Variants in ZNF420 observed in about 807,000 individuals in gnomAD.
ZNF420 encodes the protein zinc finger protein 420.
Under a neutral mutation model 44.7 loss-of-function variants are expected in ZNF420, and 31 were observed. The observed-to-expected ratio is 0.69, with a 90% CI of 0.52 to 0.94. The LOEUF (loss-of-function observed/expected upper bound fraction) is 0.94. Among genes scored for constraint, ZNF420 ranks in the 40% least tolerant of loss-of-function variants. The pLI is 0.00. For synonymous variants in ZNF420, 245 were observed against 267.4 expected (o/e 0.92, Z 0.82); for missense variants, 681 against 827.9 (o/e 0.82, Z 2.18).
chr19:37,080,655 C>T (rs1051147625), intron 2 of ZNF420, among the ~76,000 whole-genome samples: 1 of 151,962 alleles, frequency 6.6e-6, no homozygotes, highest in Non-Finnish European at 1.5e-5. Flanking sequence ...AGGGAAAGAG[C>T]TCTATTGTGT....
At chr19:37,036,410 C>G (rs1967355521) in intron 1 of ZNF420, among the ~76,000 whole-genome samples, 1 of 152,112 alleles carries the variant, frequency 6.6e-6, no homozygotes, top group African/African-American at 2.4e-5. Flanking sequence ...CTTTGCCTTC[C>G]TCCCCAAATT....
chr19:37,051,479 T>C (rs1967638152), intron 1 of ZNF420, among the ~76,000 whole-genome samples: 1 of 152,250 alleles, frequency 6.6e-6, no homozygotes, highest in Non-Finnish European at 1.5e-5. Flanking sequence ...ATTTATCCGT[T>C]TCTTCTAGAT....
At chr19:37,020,907 A>G (rs1254346483) in intron 1 of ZNF420, among the ~76,000 whole-genome samples, 1 of 152,214 alleles carries the variant, frequency 6.6e-6, no homozygotes, top group Admixed American at 6.5e-5. Context: ...ATTGTTTAAT[A>G]GGTATAGAGT....
At chr19:37,032,507 GAAAAAA>G (rs35765701) in intron 1 of ZNF420, among the ~76,000 whole-genome samples, 1 of 124,136 alleles carries the variant, frequency 8.1e-6, no homozygotes, top group African/African-American at 3.0e-5. Flanking sequence ...CGGTCTTTAA[GAAAAAA>G]AAAAAAAAAA....
At chr19:37,053,788 G>C (rs181737028) in intron 1 of ZNF420, among the ~76,000 whole-genome samples, 1 of 152,192 alleles carries the variant, frequency 6.6e-6, no homozygotes, top group Admixed American at 6.5e-5. Flanking sequence ...GTGCCTCCCA[G>C]TTAGGCTTCT....
chr19:37,026,093 G>T (rs1967153022), intron 1 of ZNF420, among the ~76,000 whole-genome samples: 2 of 151,840 alleles, frequency 1.3e-5, no homozygotes, highest in Non-Finnish European at 2.9e-5. Flanking sequence ...GCGGGCGGAT[G>T]ACCTGAGGTC....
chr19:37,097,285 A>T (rs1191804173), intron 4 of ZNF420, among the ~76,000 whole-genome samples: 1 of 151,882 alleles, frequency 6.6e-6, no homozygotes, highest in African/African-American at 2.4e-5. Flanking sequence ...TAAATGGCTA[A>T]TACTGATATA....
At chr19:37,063,597 T>C (rs1967916991) in intron 1 of ZNF420, among the ~76,000 whole-genome samples, 1 of 134,798 alleles carries the variant, frequency 7.4e-6, no homozygotes, top group Non-Finnish European at 1.5e-5. Flanking sequence ...GTAATTTAAC[T>C]CTTTGTTCAG....
intron 4 of ZNF420, chr19:37,115,029 T>C (rs1406595782): frequency 6.4e-6 from 1 of 157,342 alleles, no homozygotes; most frequent in Non-Finnish European, 1.4e-5. Context: ...CTAAGAGGCA[T>C]ATTTACTTTT....
chr19:37,078,533 G>A lies in ZNF420; in HGVS notation c.-162G>A, dbSNP rs1430829838. 1.3e-5 allele frequency: 2 copies of A among 152,354 alleles called. No homozygotes were observed. Among genetic ancestry groups the A allele is most frequent in the Non-Finnish European group, 2.9e-5 (2 of 68,132 alleles). 9.4% of individuals were successfully genotyped at this position (152,354 alleles called of 1,614,324 possible). On this transcript the variant is annotated 5_prime_UTR_variant, in exon 1 of 5. Transcript: ENST00000337995. Reference sequence around the variant, plus strand: ...ACCCGAAATTGGGCTTGGAACCCGGGAGCCAGATCTTGGACCCTGAACTGC... The same window carrying A: ...ACCCGAAATTGGGCTTGGAACCCGGAAGCCAGATCTTGGACCCTGAACTGC...
intron 4 of ZNF420, among the ~76,000 whole-genome samples, chr19:37,106,079 G>A (rs541923442): frequency 6.6e-6 from 1 of 152,288 alleles, no homozygotes; most frequent in Admixed American, 6.5e-5. Context: ...TTGAATAGGA[G>A]TGATGAGAGA....
intron 1 of ZNF420, among the ~76,000 whole-genome samples, chr19:37,079,504 C>G (rs1037441350): frequency 6.6e-6 from 1 of 152,106 alleles, no homozygotes; most frequent in Non-Finnish European, 1.5e-5. Flanking sequence ...TGCTTCATTT[C>G]TGTATCCATC....
chr19:37,045,886 T>C (rs529180097), intron 1 of ZNF420, among the ~76,000 whole-genome samples: 7 of 152,294 alleles, frequency 4.6e-5, no homozygotes, highest in African/African-American at 1.4e-4. Context: ...TCTCTGGAGA[T>C]TAAGATTTTC....
chr19:37,122,099 C>A (rs1971078986), intron 4 of ZNF420, among the ~76,000 whole-genome samples: 1 of 152,126 alleles, frequency 6.6e-6, no homozygotes, highest in Non-Finnish European at 1.5e-5. Context: ...TTGACCCAGC[C>A]ATCCCATTAC....
At chr19:37,121,812 T>G (rs1971060018) in intron 4 of ZNF420, among the ~76,000 whole-genome samples, 1 of 152,166 alleles carries the variant, frequency 6.6e-6, no homozygotes, top group Non-Finnish European at 1.5e-5. Flanking sequence ...GTGAAGGATA[T>G]GAACAGACAC....
Position 37,028,760 on chromosome 19 carries a change from A to G in ZNF420, c.-125+20678A>G, listed in dbSNP as rs1382991329. On this transcript the variant is annotated intron_variant, in intron 1 of 4. Transcript: ENST00000587029. ...TGCAGTTCTAGAGGTAGATACTACT[A>G]TGTTTGTATTTCAGAGAGCTGAAGA... is the stretch of plus-strand genomic sequence containing the variant. Among the ~76,000 whole-genome samples, 19 of 152,258 alleles carry G rather than the reference A, an allele frequency of 1.2e-4. No homozygotes were observed. The East Asian group carries it at 2.5e-3, about 20-fold the overall frequency.
At chr19:37,090,657 C>T (rs1248785493) in intron 3 of ZNF420, among the ~76,000 whole-genome samples, 5 of 152,096 alleles carry the variant, frequency 3.3e-5, no homozygotes, top group Non-Finnish European at 7.4e-5. Context: ...CACAGTGGCT[C>T]ACACCTGTAA....
intron 1 of ZNF420, among the ~76,000 whole-genome samples, chr19:37,021,279 T>C (rs961329463): frequency 1.2e-4 from 19 of 152,224 alleles, no homozygotes; most frequent in Non-Finnish European, 2.6e-4. Context: ...ATTTTTTATT[T>C]TTTTTGAAAC....
At chr19:37,125,657 T>C (rs1971303410) in intron 4 of ZNF420, among the ~76,000 whole-genome samples, 1 of 152,188 alleles carries the variant, frequency 6.6e-6, no homozygotes, top group Non-Finnish European at 1.5e-5. Context: ...ATTGAGTGCT[T>C]TCATTACCTA....
Sources: gnomAD v4.1 joint callset for allele counts (sites outside exome capture counted in the v4.1 genomes callset) on GRCh38, gnomAD v4.1.1 for gene constraint, MANE v1.5 for transcripts, NCBI Gene and HGNC (gene_info 2026-07-23, HGNC 2026-07-21) for gene names.